The following CASK variants were observed in gnomAD, a reference collection of about 807,000 sequenced individuals.
CASK encodes the protein peripheral plasma membrane protein CASK.
CASK carries 4 observed loss-of-function variants against 82.9 expected under a neutral mutation model. That is an observed-to-expected ratio of 0.05 (90% CI 0.02 to 0.11). The LOEUF (loss-of-function observed/expected upper bound fraction) is 0.11, where lower values mean the gene tolerates loss of function less well. Ranked by LOEUF, CASK falls within the 10% of genes least tolerant of loss-of-function variation. CASK has a pLI of 1.00. For synonymous variants in CASK, 259 were observed against 253.5 expected (o/e 1.02, Z -0.20); for missense variants, 358 against 720.9 (o/e 0.50, Z 5.76).
At chrX:41,757,141 C>T (rs1163356754) in intron 3 of CASK, among the ~76,000 whole-genome samples, 1 of 111,869 alleles carries the variant, frequency 8.9e-6, no homozygotes, top group Non-Finnish European at 1.9e-5. Context: ...AATGAATTGT[C>T]TATATTTAGT....
chrX:41,711,044 T>C (rs2067969040), intron 5 of CASK, among the ~76,000 whole-genome samples: 1 of 111,562 alleles, frequency 9.0e-6, no homozygotes, highest in African/African-American at 3.3e-5. Context: ...TGTGAGGCGC[T>C]CTAGCAAATT....
chrX:41,579,557 C>G (rs1380142832), intron 14 of CASK, among the ~76,000 whole-genome samples: 4 of 111,723 alleles, frequency 3.6e-5, no homozygotes, highest in Admixed American at 9.6e-5. Flanking sequence ...TTCTATTAAG[C>G]ATAAATATTT....
intron 5 of CASK, among the ~76,000 whole-genome samples, chrX:41,711,955 A>T (rs2067984694): frequency 8.9e-6 from 1 of 112,467 alleles, no homozygotes; most frequent in Non-Finnish European, 1.9e-5. Context: ...TTCTTCGTGG[A>T]TAAGGACAGG....
chrX:41,842,568 G>A (rs1433998491), intron 2 of CASK, among the ~76,000 whole-genome samples: 12 of 99,691 alleles, frequency 1.2e-4, no homozygotes, highest in Non-Finnish European at 2.0e-4. Flanking sequence ...TCTGTCTCCA[G>A]GAAAAAAAAA....
rs777433879 is a variant in CASK, at chrX:41,544,576, A to C, written c.2040-1770T>G. The stretch of plus-strand genomic sequence containing the variant: ...GCGAGACCTTGTCTAAAAAAAAAAA[A>C]AAAAAAAAAACAAAAATGAAATCCT... On this transcript the variant is annotated intron_variant, in intron 21 of 26. Coordinates refer to ENST00000378163, the MANE Select transcript of CASK (RefSeq NM_001367721.1). Among the ~76,000 whole-genome samples, 427 of 106,598 alleles carry C rather than the reference A, an allele frequency of 4.0e-3. 4 individuals are homozygous for C. The highest frequency in any genetic ancestry group is 0.014 in the African/African-American group (397 of 27,891). The allele number at this position is 106,598 out of a possible 115,157, so 92.6% of individuals were successfully genotyped here. A position where few individuals can be genotyped will look rare whatever the true frequency, so the allele number is the denominator to read the frequency against.
chrX:41,813,081 G>A (rs1045685247), intron 2 of CASK, among the ~76,000 whole-genome samples: 3 of 111,318 alleles, frequency 2.7e-5, no homozygotes, highest in African/African-American at 9.8e-5. Context: ...ACTGCTCAAG[G>A]AAATAAAAGA....
chrX:41,867,626 C>G (rs1012701312), intron 1 of CASK, among the ~76,000 whole-genome samples: 2 of 112,283 alleles, frequency 1.8e-5, no homozygotes, highest in Non-Finnish European at 1.9e-5. Context: ...ACTCAGAAAG[C>G]AGACTTTTTA....
At chrX:41,866,857 C>T (rs1000059615) in intron 1 of CASK, among the ~76,000 whole-genome samples, 6 of 111,311 alleles carry the variant, frequency 5.4e-5, no homozygotes, top group African/African-American at 9.8e-5. Flanking sequence ...TCTCAAACAA[C>T]GATGTTTCTC....
At chrX:41,853,440 A>C (rs1270041843) in intron 1 of CASK, among the ~76,000 whole-genome samples, 4 of 112,165 alleles carry the variant, frequency 3.6e-5, no homozygotes, top group Admixed American at 1.9e-4. Flanking sequence ...AAGATTACCA[A>C]AACCATAAAA....
chrX:41,745,799 G>A (rs1172711152), intron 3 of CASK, among the ~76,000 whole-genome samples, 198 bp from the exon 4 acceptor site: 1 of 111,995 alleles, frequency 8.9e-6, no homozygotes, highest in Non-Finnish European at 1.9e-5. Context: ...AATCTGCAGG[G>A]AAAGAAACAG....
intron 3 of CASK, among the ~76,000 whole-genome samples, chrX:41,766,704 T>C (rs1212072443): frequency 2.7e-5 from 3 of 111,649 alleles, no homozygotes; most frequent in Non-Finnish European, 5.6e-5. Flanking sequence ...CTGGCCAAAA[T>C]GGTGAAACGC....
At position 41,740,103 on chromosome X, in the gene CASK, GCATTTTA is replaced by G. The variant is rs1289095148; in HGVS notation, c.357-654_357-648del. ...CAGGTGAAGAACAAAGAAGAAATCAGCATTTTAAAGAACAGGAATTAAAAAATGGTAA... is the reference window on the plus strand; with the variant it reads ...CAGGTGAAGAACAAAGAAGAAATCAGAAGAACAGGAATTAAAAAATGGTAA... On this transcript the variant is annotated intron_variant, in intron 4 of 26. Coordinates refer to ENST00000378163, the MANE Select transcript of CASK (RefSeq NM_001367721.1). 2.7e-5 allele frequency among the ~76,000 whole-genome samples: 3 copies of G among 111,963 alleles called. No individual in the cohort carries two copies. The South Asian group carries it at 1.1e-3, about 41-fold the overall frequency.
chrX:41,760,721 C>T (rs775129021), intron 3 of CASK, among the ~76,000 whole-genome samples: 8 of 110,930 alleles, frequency 7.2e-5, no homozygotes, highest in African/African-American at 2.0e-4. Flanking sequence ...CCCAAGTTCT[C>T]GAGTTTCTCT....
chrX:41,843,334 C>T (rs2071084567), intron 2 of CASK, among the ~76,000 whole-genome samples: 1 of 110,701 alleles, frequency 9.0e-6, no homozygotes, highest in African/African-American at 3.3e-5. Context: ...AAAGAAATTC[C>T]CTTCTATTTG....
intron 5 of CASK, chrX:41,676,326 A>C: frequency 8.3e-7 from 1 of 1,198,736 alleles, no homozygotes; most frequent in African/African-American, 1.7e-5. Flanking sequence ...CTCCAAGATG[A>C]CCTACGGGCT....
In CASK at chrX:41,660,548, T is replaced by C; in HGVS notation, c.722A>G (p.Gln241Arg). Reference sequence around the variant, plus strand: ...GGCACTTTCAGAGATATGGCTCCACTGCCTTGGATTCATCTGAGGAGGAGG... The same window carrying C: ...GGCACTTTCAGAGATATGGCTCCACCGCCTTGGATTCATCTGAGGAGGAGG... ...IKGKYKMNPR[Q>R]WSHISESAKD... Residue 241 changes from glutamine to arginine, a missense_variant, in exon 8 of 27, where the codon CAG becomes CGG. Gln to Arg is a conservative substitution (Grantham distance 43). Around this residue, in one of 5 missense-constraint regions of CASK, gnomAD observed 70 missense variants for 228.4 expected, o/e 0.31. Coordinates refer to ENST00000378163, the MANE Select transcript of CASK (RefSeq NM_001367721.1). 1 of 1,204,824 alleles carries C rather than the reference T, an allele frequency of 8.3e-7. No homozygotes were observed. The highest frequency in any genetic ancestry group is 1.1e-6 in the Non-Finnish European group (1 of 888,954).
At chrX:41,745,896 T>A (rs1376639599) in intron 3 of CASK, among the ~76,000 whole-genome samples, 1 of 111,374 alleles carries the variant, frequency 9.0e-6, no homozygotes, top group Non-Finnish European at 1.9e-5. Context: ...AAAAGAAGCA[T>A]CAGAAAACAG....
chrX:41,854,212 GCGCGGGCGCGCGCA>G (rs1228881861), intron 1 of CASK, among the ~76,000 whole-genome samples: 8 of 88,771 alleles, frequency 9.0e-5, no homozygotes, highest in Admixed American at 2.6e-4. Flanking sequence ...ATGCGCGCGC[GCGCGGGCGCGCGCA>G]CACACACACA....
chrX:41,568,702 T>TA (rs2065360103), intron 16 of CASK, among the ~76,000 whole-genome samples: 1 of 111,952 alleles, frequency 8.9e-6, no homozygotes, highest in Admixed American at 9.5e-5. Flanking sequence ...TGCACCTTCT[T>TA]AAAAAATCAT....
Sources: gnomAD v4.1 joint callset for allele counts (sites outside exome capture counted in the v4.1 genomes callset) on GRCh38, gnomAD v4.1.1 for gene constraint, gnomAD v4.1.1 regional missense constraint, MANE v1.5 for transcripts, NCBI Gene and HGNC (gene_info 2026-07-23, HGNC 2026-07-21) for gene names.